The following SMARCA4 variants were observed in gnomAD, a reference collection of about 807,000 sequenced individuals.
SMARCA4 encodes the protein SWI/SNF related BAF chromatin remodeling complex subunit ATPase 4, also known as SWI/SNF-related matrix-associated actin-dependent regulator of chromatin subfamily A member 4.
Under a neutral mutation model 193.9 loss-of-function variants are expected in SMARCA4, and 31 were observed. The ratio of observed to expected loss-of-function variants is 0.16; its 90% CI spans 0.12 to 0.22. SMARCA4 has a LOEUF of 0.22. Ranked by LOEUF, SMARCA4 falls within the 10% of genes least tolerant of loss-of-function variation. The pLI, the probability that SMARCA4 is intolerant of heterozygous loss-of-function variation, is 1.00. For synonymous variants in SMARCA4, 942 were observed against 933.1 expected (o/e 1.01, Z -0.17); for missense variants, 1,148 against 2,296.0 (o/e 0.50, Z 10.22).
At chr19:10,981,115 T>C (rs1384172191) in intron 1 of SMARCA4, among the ~76,000 whole-genome samples, 1 of 152,242 alleles carries the variant, frequency 6.6e-6, no homozygotes, top group Non-Finnish European at 1.5e-5. Context: ...TATAGGTCCC[T>C]GAATATCACA....
rs1422659919 is a variant in SMARCA4, at chr19:11,021,713, T to G, written c.2617-12T>G. 6.2e-7 allele frequency: 1 copy of G among 1,603,594 alleles called. No homozygotes were observed. Among genetic ancestry groups the G allele is most frequent in the Non-Finnish European group, 8.5e-7 (1 of 1,174,810 alleles). On this transcript the variant is annotated splice_polypyrimidine_tract_variant and intron_variant, in intron 18 of 34. Transcript: ENST00000344626. ...TGCCCCCTGCCCTGATTGCCCACTC[T>G]GGGGCCCGCAGATCCGTTGGAAGTA...
At chr19:11,023,195 C>CA (rs1190596490) in intron 19 of SMARCA4, among the ~76,000 whole-genome samples, 1 of 152,152 alleles carries the variant, frequency 6.6e-6, no homozygotes, top group Non-Finnish European at 1.5e-5. Flanking sequence ...GTGGACACTC[C>CA]AGTTTGTGTT....
chr19:10,985,198 C>CT lies in SMARCA4; in HGVS notation c.223-74dup. The CT allele has an allele frequency of 6.5e-7, 1 of 1,539,222 alleles. No individual in the cohort carries two copies. Among genetic ancestry groups the CT allele is most frequent in the South Asian group, 1.1e-5 (1 of 89,356 alleles). ...CTGTTCTCGGTGCCCTCGAGCTTCT[C>CT]TCGGGCAGCGCATAGCTGCGCTGCC... On this transcript the variant is annotated intron_variant, in intron 2 of 34. Transcript: ENST00000344626. This position sits in a 1 kb window ranked among gnomAD's most constrained non-coding sequence, Gnocchi z 4.5.
chr19:11,019,650 C>T lies in SMARCA4; in HGVS notation c.2565C>T (p.Val855=), dbSNP rs775610559. ...AGCTCCGGAGTGGGAAGTTCAACGTCTTGCTGACGACGTACGAGTACATCA... is the reference window on the plus strand; with the variant it reads ...AGCTCCGGAGTGGGAAGTTCAACGTTTTGCTGACGACGTACGAGTACATCA... ...VPQLRSGKFN[V]LLTTYEYIIK... The change falls in exon 18 of 35, where the codon GTC becomes GTT. Residue 855 remains valine, a synonymous_variant. Transcript: ENST00000344626. The surrounding 1 kb of genome is among the most constrained non-coding windows in gnomAD (Gnocchi z 6.1). 38 of 1,613,658 alleles carry T rather than the reference C, an allele frequency of 2.4e-5. No homozygotes were observed. Among genetic ancestry groups the T allele is most frequent in the Non-Finnish European group, 3.1e-5 (37 of 1,179,906 alleles).
At chr19:11,042,419 G>A (rs2075671529) in intron 30 of SMARCA4, among the ~76,000 whole-genome samples, 1 of 152,250 alleles carries the variant, frequency 6.6e-6, no homozygotes. Context: ...TAAGGCCCAT[G>A]CCTGGCCCAG....
At chr19:10,963,487 G>A (rs892874163) in intron 1 of SMARCA4, among the ~76,000 whole-genome samples, 3 of 151,874 alleles carry the variant, frequency 2.0e-5, no homozygotes, top group Admixed American at 1.3e-4. Flanking sequence ...ATTGTTTCCT[G>A]AACCTCAGTT....
intron 30 of SMARCA4, among the ~76,000 whole-genome samples, chr19:11,050,944 A>C (rs1454252714): frequency 1.3e-5 from 2 of 152,220 alleles, no homozygotes; most frequent in Non-Finnish European, 2.9e-5. Context: ...CTGTGCAGGC[A>C]CTGGCTGGAT....
intron 30 of SMARCA4, among the ~76,000 whole-genome samples, chr19:11,055,417 G>A (rs1038481778): frequency 9.2e-5 from 14 of 151,824 alleles, no homozygotes; most frequent in African/African-American, 2.9e-4. Context: ...CTTGAACTCC[G>A]GACTTCGTGA....
chr19:11,024,308 T>G (rs2146470383), intron 20 of SMARCA4, 23 bp from the exon 21 acceptor site: 3 of 1,566,358 alleles, frequency 1.9e-6, no homozygotes, highest in Non-Finnish European at 2.6e-6. Flanking sequence ...TGGGCCCTCG[T>G]GAGCATTATG....
chr19:11,049,891 C>T (rs1312844382), intron 30 of SMARCA4, among the ~76,000 whole-genome samples: 1 of 152,194 alleles, frequency 6.6e-6, no homozygotes, highest in Non-Finnish European at 1.5e-5. Flanking sequence ...CACTTGAGCT[C>T]AGAAGTTTGA....
intron 15 of SMARCA4, 72 bp from the exon 16 acceptor site, chr19:11,012,877 C>G: frequency 6.8e-7 from 1 of 1,460,326 alleles, no homozygotes; most frequent in Non-Finnish European, 9.6e-7. Flanking sequence ...TGTCTTGACT[C>G]TCTGAAGTGG....
In SMARCA4 at chr19:11,025,176, G is replaced by A. The variant is rs544551223; in HGVS notation, c.3082-246G>A. Among the ~76,000 whole-genome samples, 10 of 152,250 alleles carry A rather than the reference G, an allele frequency of 6.6e-5. No homozygotes were observed. In the East Asian group the frequency reaches 1.9e-3, roughly 29 times the overall value. ...CCTTTGCCAGTCTTGTTTCCGTCCC[G>A]TCCTGCTGGCCCTGTCCCTGCCATC... On this transcript the variant is annotated intron_variant, in intron 21 of 34. Coordinates refer to ENST00000344626, the MANE Select transcript of SMARCA4 (RefSeq NM_003072.5).
At chr19:10,971,350 G>T (rs2084655369) in intron 1 of SMARCA4, among the ~76,000 whole-genome samples, 1 of 152,206 alleles carries the variant, frequency 6.6e-6, no homozygotes, top group Admixed American at 6.5e-5. Context: ...TGGTGCCCAT[G>T]TCACTACAGA....
intron 14 of SMARCA4, 142 bp from the exon 15 acceptor site, chr19:11,010,238 CG>C: frequency 1.1e-6 from 1 of 952,102 alleles, no homozygotes; most frequent in Admixed American, 1.8e-5. Flanking sequence ...TCACACTGTC[CG>C]GCTGCACCTC....
Position 11,058,701 on chromosome 19 carries a change from G to A in SMARCA4, c.4534-87G>A, listed in dbSNP as rs905279956. On this transcript the variant is annotated intron_variant, in intron 31 of 34. Coordinates refer to ENST00000344626, the MANE Select transcript of SMARCA4 (RefSeq NM_003072.5). The surrounding 1 kb of genome is among the most constrained non-coding windows in gnomAD (Gnocchi z 5.8). ...ATCCTCATAGGCACGAGGAATCCTAGCCCGTGGGGTCTCCAGCACACAGCC... is the reference window on the plus strand; with the variant it reads ...ATCCTCATAGGCACGAGGAATCCTAACCCGTGGGGTCTCCAGCACACAGCC... 1 of 1,140,744 alleles carries A rather than the reference G, an allele frequency of 8.8e-7. No individual in the cohort carries two copies. Among genetic ancestry groups the A allele is most frequent in the African/African-American group, 1.5e-5 (1 of 65,462 alleles). 70.7% of individuals were successfully genotyped at this position (1,140,744 alleles called of 1,614,324 possible).
chr19:10,980,310 A>G (rs1020959698), intron 1 of SMARCA4, among the ~76,000 whole-genome samples: 4 of 152,236 alleles, frequency 2.6e-5, no homozygotes, highest in Admixed American at 2.6e-4. Flanking sequence ...TGCTTCTAAA[A>G]AGCAGACTTG....
intron 30 of SMARCA4, among the ~76,000 whole-genome samples, chr19:11,051,491 CTT>C (rs554212827): frequency 1.8e-4 from 24 of 133,468 alleles, no homozygotes; most frequent in Non-Finnish European, 1.9e-4. Flanking sequence ...GACATATTTC[CTT>C]TTTTTTTTTT....
chr19:11,039,605 A>T (rs759152638), intron 29 of SMARCA4: 9 of 1,066,768 alleles, frequency 8.4e-6, no homozygotes, highest in South Asian at 3.1e-5. Flanking sequence ...AACACTGGGG[A>T]CGTGCCTAAT....
At chr19:11,015,233 G>A (rs75739104) in intron 16 of SMARCA4, among the ~76,000 whole-genome samples, 32 of 152,310 alleles carry the variant, frequency 2.1e-4, no homozygotes, top group Non-Finnish European at 4.3e-4. Flanking sequence ...TAACATGGAC[G>A]TAGGACTAAT....
Sources: gnomAD v4.1 joint callset for allele counts (sites outside exome capture counted in the v4.1 genomes callset) on GRCh38, gnomAD v4.1.1 for gene constraint, Gnocchi (gnomAD v3.1) non-coding constraint, MANE v1.5 for transcripts, NCBI Gene and HGNC (gene_info 2026-07-23, HGNC 2026-07-21) for gene names.